ZFHX3: variants seen among roughly 807,000 people sequenced by gnomAD.
ZFHX3 encodes zinc finger homeobox protein 3.
In ZFHX3, 42 loss-of-function variants were observed where a neutral mutation model predicts 279.1. That is an observed-to-expected ratio of 0.15 (90% CI 0.12 to 0.19). The LOEUF is 0.19. Among genes scored for constraint, ZFHX3 ranks in the 10% least tolerant of loss-of-function variants. ZFHX3 has a pLI of 1.00. For synonymous variants in ZFHX3, 2,293 were observed against 1,957.8 expected (o/e 1.17, Z -4.52); for missense variants, 4,981 against 4,754.0 (o/e 1.05, Z -1.40).
chr16:73,486,640 T>C (rs1332860804), intron 2 of ZFHX3: 1 of 343,680 alleles, frequency 2.9e-6, no homozygotes. Flanking sequence ...AACACCAAAA[T>C]TAACTGGATA....
intron 3 of ZFHX3, among the ~76,000 whole-genome samples, chr16:73,362,522 A>C (rs2016450432): frequency 6.6e-6 from 1 of 152,232 alleles, no homozygotes; most frequent in African/African-American, 2.4e-5. Flanking sequence ...CACACACCAC[A>C]CACTTCACAG....
chr16:72,914,751 G>A (rs559186495), intron 3 of ZFHX3, among the ~76,000 whole-genome samples: 115 of 152,296 alleles, frequency 7.6e-4, no homozygotes, highest in Admixed American at 2.5e-3. Context: ...CAGCACTTTG[G>A]GGGCTGAGGC....
At chr16:73,802,864 C>A (rs151276646) in intron 1 of ZFHX3, among the ~76,000 whole-genome samples, 1 of 152,200 alleles carries the variant, frequency 6.6e-6, no homozygotes, top group Admixed American at 6.5e-5. Flanking sequence ...GTTGCCCAGG[C>A]TAGAGTGCAA....
chr16:73,519,608 C>T (rs191385869), intron 2 of ZFHX3, among the ~76,000 whole-genome samples: 1 of 152,270 alleles, frequency 6.6e-6, no homozygotes, highest in Admixed American at 6.5e-5. Context: ...GTCCCTGGTT[C>T]TTCCTGGTCA....
At chr16:73,531,096 G>C (rs2019793041) in intron 2 of ZFHX3, among the ~76,000 whole-genome samples, 1 of 152,200 alleles carries the variant, frequency 6.6e-6, no homozygotes. Context: ...CTTACCAGTT[G>C]CATGGCTTTT....
intron 1 of ZFHX3, among the ~76,000 whole-genome samples, chr16:73,708,914 C>A (rs1480054426): frequency 1.3e-5 from 2 of 152,076 alleles, no homozygotes; most frequent in African/African-American, 4.8e-5. Flanking sequence ...GCTCACTTTC[C>A]GTCTCCTCTC....
intron 4 of ZFHX3, among the ~76,000 whole-genome samples, chr16:72,882,826 G>C (rs952727678): frequency 6.6e-6 from 1 of 152,042 alleles, no homozygotes; most frequent in Non-Finnish European, 1.5e-5. Context: ...TAATTTCCCT[G>C]ACTCTGGCTT....
chr16:73,631,203 A>G (rs1324913369), intron 2 of ZFHX3, among the ~76,000 whole-genome samples: 1 of 152,218 alleles, frequency 6.6e-6, no homozygotes, highest in Non-Finnish European at 1.5e-5. Context: ...TTGAGTATCT[A>G]TATGTAAAGG....
At chr16:73,808,459 C>A (rs1960343544) in intron 1 of ZFHX3, 1 of 152,158 alleles carries the variant, frequency 6.6e-6, no homozygotes, top group South Asian at 2.1e-4. Flanking sequence ...AGTCCTTCTA[C>A]TTTTTGTTTC....
chr16:73,082,263 A>C (rs1965956384), intron 8 of ZFHX3, among the ~76,000 whole-genome samples: 1 of 151,712 alleles, frequency 6.6e-6, no homozygotes, highest in Non-Finnish European at 1.5e-5. Flanking sequence ...CTTTGAATGA[A>C]TGAATTTTTT....
chr16:73,128,604 A>T (rs1341352218), intron 7 of ZFHX3, among the ~76,000 whole-genome samples: 1 of 152,212 alleles, frequency 6.6e-6, no homozygotes, highest in African/African-American at 2.4e-5. Flanking sequence ...GGAACAAATG[A>T]CACTGACTGA....
chr16:73,235,680 G>GT (rs201855313), intron 5 of ZFHX3, among the ~76,000 whole-genome samples: 14,112 of 146,922 alleles, frequency 0.096, 1,012 homozygotes, highest in East Asian at 0.45. Flanking sequence ...TATATCAATT[G>GT]TTTTTTTTTT....
At chr16:72,858,015 A>G (rs1218127287) in intron 4 of ZFHX3, among the ~76,000 whole-genome samples, 2 of 152,214 alleles carry the variant, frequency 1.3e-5, no homozygotes, top group Non-Finnish European at 2.9e-5. Flanking sequence ...GGGGCAGCCA[A>G]TCAGAACTAA....
chr16:73,280,138 T>G (rs1163634749), intron 4 of ZFHX3, among the ~76,000 whole-genome samples: 1 of 152,116 alleles, frequency 6.6e-6, no homozygotes, highest in Non-Finnish European at 1.5e-5. Context: ...GATTAAAGAC[T>G]TAAATGTAAG....
intron 1 of ZFHX3, among the ~76,000 whole-genome samples, chr16:72,965,102 C>T (rs965304985): frequency 2.0e-5 from 3 of 152,254 alleles, no homozygotes; most frequent in African/African-American, 7.2e-5. Context: ...TGGTCTCAAA[C>T]TCCTGAGCTC....
chr16:73,692,527 A>G (rs1298376003), intron 1 of ZFHX3, among the ~76,000 whole-genome samples: 2 of 152,230 alleles, frequency 1.3e-5, no homozygotes, highest in East Asian at 3.9e-4. Flanking sequence ...AAGAGCCAAG[A>G]GATTCCAACA....
At chr16:73,419,477 T>C (rs1465225989) in intron 3 of ZFHX3, among the ~76,000 whole-genome samples, 1 of 152,186 alleles carries the variant, frequency 6.6e-6, no homozygotes, top group Non-Finnish European at 1.5e-5. Context: ...AGTGACTGTC[T>C]CAGCTCAGCC....
chr16:72,838,996 G>C (rs1351525558), intron 4 of ZFHX3, among the ~76,000 whole-genome samples: 1 of 151,892 alleles, frequency 6.6e-6, no homozygotes, highest in Non-Finnish European at 1.5e-5. Context: ...AAGTAAGAAA[G>C]CTAGCTATGT....
intron 3 of ZFHX3, among the ~76,000 whole-genome samples, chr16:72,948,334 G>A (rs371234306): frequency 1.1e-3 from 167 of 152,228 alleles, no homozygotes; most frequent in Non-Finnish European, 1.0e-3. Context: ...GCATCCCAAC[G>A]CTCAGGACCC....
Sources: allele counts gnomAD v4.1 joint callset (sites outside exome capture counted in the v4.1 genomes callset), GRCh38; gene constraint gnomAD v4.1.1; transcripts MANE v1.5; gene names NCBI Gene and HGNC (gene_info 2026-07-23, HGNC 2026-07-21).